NRXN3: variants seen among roughly 807,000 people sequenced by gnomAD.
NRXN3 encodes the protein neurexin III.
A neutral mutation model predicts 137.6 loss-of-function variants in NRXN3; 32 were observed. The observed-to-expected ratio is 0.23, with a 90% CI of 0.18 to 0.31. NRXN3 has a LOEUF of 0.31. Among genes scored for constraint, NRXN3 ranks in the 10% least tolerant of loss-of-function variants. The pLI, the probability that NRXN3 is intolerant of heterozygous loss-of-function variation, is 1.00. For missense variants in NRXN3, 1,574 were observed against 2,062.5 expected, an observed-to-expected ratio of 0.76 and a Z score of 4.59; for synonymous variants, 798 against 784.5, an observed-to-expected ratio of 1.02 and a Z score of -0.29.
rs1298728606 is a variant in NRXN3, at chr14:79,866,462, T to C, written c.*4498T>C. 1 of 152,152 alleles carries C rather than the reference T, an allele frequency of 6.6e-6. No homozygotes were observed. Among genetic ancestry groups the C allele is most frequent in the Non-Finnish European group, 1.5e-5 (1 of 68,022 alleles). The allele number at this position is 152,152 out of a possible 1,614,324, so 9.4% of individuals were successfully genotyped here. A position where few individuals can be genotyped will look rare whatever the true frequency, so the allele number is the denominator to read the frequency against. On this transcript the variant is annotated 3_prime_UTR_variant, in exon 21 of 21. Transcript: ENST00000335750. ...ATTTTGGTAAACCTTGGAAAACTGA[T>C]AGGCAGAAATAAGGGCTGTATATCA...
At chr14:78,788,038 C>G (rs567926121) in intron 8 of NRXN3, among the ~76,000 whole-genome samples, 1 of 152,238 alleles carries the variant, frequency 6.6e-6, no homozygotes, top group South Asian at 2.1e-4. Context: ...CCCTTTCAAA[C>G]ATATTTTCTT....
At position 78,967,128 on chromosome 14, in the gene NRXN3, C is replaced by T. The variant is rs1310503321; in HGVS notation, c.2778-80C>T. 4.9e-6 allele frequency: 6 copies of T among 1,215,106 alleles called. No homozygotes were observed. In the East Asian group the frequency reaches 1.5e-4, roughly 31 times the overall value. The allele number at this position is 1,215,106 out of a possible 1,614,324, so 75.3% of individuals were successfully genotyped here. A position where few individuals can be genotyped will look rare whatever the true frequency, so the allele number is the denominator to read the frequency against. On this transcript the variant is annotated intron_variant, in intron 12 of 20. Transcript: ENST00000335750. Reference sequence around the variant, plus strand: ...TTTAGCATGGGGGATTTGAAGCCCACTATGTCAGTTACACACATATAGCCA... The same window carrying T: ...TTTAGCATGGGGGATTTGAAGCCCATTATGTCAGTTACACACATATAGCCA...
At chr14:79,265,228 G>A (rs2078269363) in intron 15 of NRXN3, among the ~76,000 whole-genome samples, 1 of 120,072 alleles carries the variant, frequency 8.3e-6, no homozygotes, top group South Asian at 2.7e-4. Flanking sequence ...AATGGGGGTT[G>A]CTCTTTTTTT....
At chr14:79,249,035 G>A (rs1022746884) in intron 15 of NRXN3, 2 of 152,158 alleles carry the variant, frequency 1.3e-5, no homozygotes, top group Non-Finnish European at 2.9e-5. Flanking sequence ...TTTGTAGCAG[G>A]CACTTCAGGT....
chr14:79,497,063 G>A (rs1054594829), intron 16 of NRXN3, among the ~76,000 whole-genome samples: 1 of 152,214 alleles, frequency 6.6e-6, no homozygotes, highest in Non-Finnish European at 1.5e-5. Context: ...GCTTATATGT[G>A]TGATAAGTGG....
At chr14:78,778,172 T>A (rs564094283) in intron 8 of NRXN3, among the ~76,000 whole-genome samples, 2 of 152,358 alleles carry the variant, frequency 1.3e-5, no homozygotes, top group Admixed American at 1.3e-4. Context: ...TCTGACTTGA[T>A]AACTGAAGAA....
intron 10 of NRXN3, among the ~76,000 whole-genome samples, chr14:78,864,900 C>T (rs72685462): frequency 0.02 from 3,057 of 152,144 alleles, 45 homozygotes; most frequent in Non-Finnish European, 0.031. Context: ...AGAGAGAATA[C>T]CTCTGAATGA....
intron 19 of NRXN3, among the ~76,000 whole-genome samples, chr14:79,768,404 C>A (rs979336830): frequency 5.9e-5 from 9 of 152,182 alleles, no homozygotes; most frequent in Admixed American, 1.3e-4. Context: ...CAGTGGTTCT[C>A]CCAGCACGCA....
intron 15 of NRXN3, among the ~76,000 whole-genome samples, chr14:79,048,635 T>A (rs892898267): frequency 8.6e-5 from 13 of 151,906 alleles, no homozygotes; most frequent in African/African-American, 2.9e-4. Flanking sequence ...TTTTTTTTTT[T>A]TATTTTTTGC....
At chr14:78,503,650 A>T (rs989734966) in intron 4 of NRXN3, among the ~76,000 whole-genome samples, 1 of 152,118 alleles carries the variant, frequency 6.6e-6, no homozygotes, top group Admixed American at 6.5e-5. Context: ...ATTAGGGCTC[A>T]TGGGTCTTGA....
chr14:79,502,117 A>C (rs1329854756), intron 16 of NRXN3, among the ~76,000 whole-genome samples: 1 of 152,222 alleles, frequency 6.6e-6, no homozygotes, highest in African/African-American at 2.4e-5. Flanking sequence ...TCATTGACCA[A>C]CTGCAGGTCT....
At chr14:78,594,992 C>G (rs913668420) in intron 4 of NRXN3, among the ~76,000 whole-genome samples, 2 of 152,148 alleles carry the variant, frequency 1.3e-5, no homozygotes, top group Admixed American at 6.5e-5. Flanking sequence ...TGACAATGTT[C>G]TAAATGTATA....
intron 1 of NRXN3, among the ~76,000 whole-genome samples, chr14:78,242,071 T>C (rs937243708): frequency 6.6e-6 from 1 of 152,232 alleles, no homozygotes; most frequent in African/African-American, 2.4e-5. Flanking sequence ...TATAAAATGT[T>C]AGCACTTATC....
intron 16 of NRXN3, among the ~76,000 whole-genome samples, chr14:79,569,474 A>C (rs140346863): frequency 2.4e-4 from 37 of 152,224 alleles, no homozygotes; most frequent in African/African-American, 8.2e-4. Flanking sequence ...AACAATTACT[A>C]TGCAGGCTCT....
At chr14:79,463,079 C>T (rs1848519685) in intron 15 of NRXN3, among the ~76,000 whole-genome samples, 1 of 151,836 alleles carries the variant, frequency 6.6e-6, no homozygotes, top group African/African-American at 2.4e-5. Context: ...GTCAAAACAA[C>T]AACAACAATA....
chr14:78,734,240 CACACACACACACA>C (rs2098530886), intron 8 of NRXN3, among the ~76,000 whole-genome samples: 2 of 151,306 alleles, frequency 1.3e-5, no homozygotes, highest in South Asian at 2.1e-4. Flanking sequence ...CACACACACA[CACACACACACACA>C]CCCTTTTCAT....
intron 15 of NRXN3, among the ~76,000 whole-genome samples, chr14:79,158,996 A>G (rs1441617263): frequency 1.3e-5 from 2 of 151,832 alleles, no homozygotes; most frequent in African/African-American, 4.8e-5. Context: ...GTTGTAGTGG[A>G]TGAGGACTCT....
chr14:79,657,410 C>G (rs10483929), intron 16 of NRXN3, among the ~76,000 whole-genome samples: 19,635 of 152,152 alleles, frequency 0.13, 4,240 homozygotes, highest in African/African-American at 0.45. Flanking sequence ...TGATCATGGA[C>G]TTTGAAAGAT....
chr14:78,853,988 G>A (rs2099049980), intron 10 of NRXN3, among the ~76,000 whole-genome samples: 1 of 152,190 alleles, frequency 6.6e-6, no homozygotes, highest in African/African-American at 2.4e-5. Context: ...GGGTAAGAGA[G>A]GTATTTGCTC....
Sources: allele counts gnomAD v4.1 joint callset (sites outside exome capture counted in the v4.1 genomes callset), GRCh38; gene constraint gnomAD v4.1.1; transcripts MANE v1.5; gene names NCBI Gene and HGNC (gene_info 2026-07-23, HGNC 2026-07-21).